The following HECTD2 variants were observed in gnomAD, a reference collection of about 807,000 sequenced individuals.
The protein encoded by HECTD2 is probable E3 ubiquitin-protein ligase HECTD2.
HECTD2 carries 35 observed loss-of-function variants against 103.2 expected under a neutral mutation model. The observed-to-expected ratio is 0.34, with a 90% CI of 0.26 to 0.45. The LOEUF (loss-of-function observed/expected upper bound fraction) is 0.45, where lower values mean the gene tolerates loss of function less well. HECTD2 is among the 20% of genes least tolerant of loss of function. HECTD2 has a pLI of 1.00. For synonymous variants in HECTD2, 281 were observed against 329.9 expected (o/e 0.85, Z 1.61); for missense variants, 596 against 937.4 (o/e 0.64, Z 4.76).
chr10:91,512,315 G>A lies in HECTD2; in HGVS notation c.2262G>A (p.Lys754=). ...ATCAACTTTGCCTTCCCCCCTACAA[G>A]AGCAAAAAGGATCTGAAACAGAAAT... is the stretch of plus-strand genomic sequence containing the variant. ...CFNQLCLPPY[K]SKKDLKQKLI... Residue 754 remains lysine, a synonymous_variant, in exon 21 of 21, where the codon AAG becomes AAA. Transcript: ENST00000298068. 6.2e-7 allele frequency: 1 copy of A among 1,613,262 alleles called. No individual in the cohort carries two copies. The highest frequency in any genetic ancestry group is 8.5e-7 in the Non-Finnish European group (1 of 1,179,640).
chr10:91,499,325 A>AG (rs1024322695), intron 18 of HECTD2, among the ~76,000 whole-genome samples, 175 bp downstream of exon 18: 1 of 152,154 alleles, frequency 6.6e-6, no homozygotes, highest in Non-Finnish European at 1.5e-5. Context: ...AATTCTTTAG[A>AG]GGGGAAAAAC....
chr10:91,471,922 A>T (rs1447304842), intron 5 of HECTD2, among the ~76,000 whole-genome samples: 1 of 152,232 alleles, frequency 6.6e-6, no homozygotes, highest in East Asian at 1.9e-4. Context: ...TTGCAATCAA[A>T]CTACCAATGG....
At position 91,500,616 on chromosome 10, in the gene HECTD2, A is replaced by C. The variant is rs368248100; in HGVS notation, c.2065A>C (p.Lys689Gln). ...DGYAKTDLTI[K>Q]YFWDVVLGFP... ...CTATGCAAAAACGGACTTAACTATA[A>C]AGTGAGCTCTTTATACTTCTGATAG... The change falls in exon 19 of 21, where the codon AAA (lysine) becomes CAA (glutamine). Residue 689 changes from lysine (K) to glutamine (Q), a missense_variant and splice_region_variant. By Grantham distance (53) the Lys-to-Gln change is moderately conservative. Coordinates refer to ENST00000298068, the MANE Select transcript of HECTD2 (RefSeq NM_182765.6). The C allele has an allele frequency of 7.6e-6, 11 of 1,447,732 alleles. No individual in the cohort carries two copies. Among genetic ancestry groups the C allele is most frequent in the Non-Finnish European group, 8.7e-6 (9 of 1,028,902 alleles). The allele number at this position is 1,447,732 out of a possible 1,614,324, so 89.7% of individuals were successfully genotyped here. A position where few individuals can be genotyped will look rare whatever the true frequency, so the allele number is the denominator to read the frequency against.
intron 16 of HECTD2, 91 bp downstream of exon 16, chr10:91,498,273 T>A (rs1030774677): frequency 2.2e-5 from 19 of 874,944 alleles, no homozygotes; most frequent in African/African-American, 3.3e-5. Flanking sequence ...TTAGAAAAGA[T>A]GAACAAGGAT....
At chr10:91,478,025 T>G (rs1046248825) in intron 5 of HECTD2, among the ~76,000 whole-genome samples, 176 bp from the exon 6 acceptor site, 1 of 152,198 alleles carries the variant, frequency 6.6e-6, no homozygotes, top group Non-Finnish European at 1.5e-5. Flanking sequence ...ACTGTAATCT[T>G]ATGTCATTGA....
At chr10:91,409,693 CAA>C (rs977956044), upstream of HECTD2, among the ~76,000 whole-genome samples, 12 of 152,170 alleles carry the variant, frequency 7.9e-5, no homozygotes, top group Admixed American at 2.6e-4. Context: ...CAGGCGTGTA[CAA>C]AAGAGTCGGT....
Position 91,498,098 on chromosome 10 carries a change from C to T in HECTD2, c.1681-10C>T. ...TATTGAAAAAATCATTAACAGATTT[C>T]TTTTTATAGGAGTTGGCCCATGGAT... On this transcript the variant is annotated splice_polypyrimidine_tract_variant and intron_variant, in intron 15 of 20. Coordinates refer to ENST00000298068, the MANE Select transcript of HECTD2 (RefSeq NM_182765.6). The T allele has an allele frequency of 6.3e-7, 1 of 1,594,228 alleles. No homozygotes were observed. The highest frequency in any genetic ancestry group is 8.6e-7 in the Non-Finnish European group (1 of 1,162,288).
intron 20 of HECTD2, among the ~76,000 whole-genome samples, chr10:91,509,408 T>C (rs1384163018): frequency 6.6e-6 from 1 of 152,160 alleles, no homozygotes; most frequent in Non-Finnish European, 1.5e-5. Flanking sequence ...TATGGAGGTT[T>C]CTTAAAGAAC....
intron 5 of HECTD2, among the ~76,000 whole-genome samples, chr10:91,477,877 G>A (rs1845964958): frequency 6.6e-6 from 1 of 152,066 alleles, no homozygotes; most frequent in Non-Finnish European, 1.5e-5. Flanking sequence ...GTTACGCTTG[G>A]ATTCTTGTTC....
chr10:91,449,071 C>CA (rs1462059212), intron 2 of HECTD2, among the ~76,000 whole-genome samples: 10 of 149,074 alleles, frequency 6.7e-5, no homozygotes, highest in African/African-American at 2.5e-4. Flanking sequence ...GGAGACACAA[C>CA]AAAAAAAGAA....
chr10:91,413,678 A>G (rs1413432374), intron 1 of HECTD2, among the ~76,000 whole-genome samples: 1 of 152,196 alleles, frequency 6.6e-6, no homozygotes, highest in Non-Finnish European at 1.5e-5. Flanking sequence ...ACCATCTCCC[A>G]AATCTACTTA....
Position 91,487,454 on chromosome 10 carries a change from G to T in HECTD2, c.1095-228G>T. The stretch of plus-strand genomic sequence containing the variant: ...TGGTTAGCACACATTCAGAACCTTT[G>T]ATGTAGCTTCTGCAGAGAATAAAGG... On this transcript the variant is annotated intron_variant, in intron 10 of 20. Coordinates refer to ENST00000298068, the MANE Select transcript of HECTD2 (RefSeq NM_182765.6). This position sits in a 1 kb window ranked among gnomAD's most constrained non-coding sequence, Gnocchi z 4.1. 1 of 520,700 alleles carries T rather than the reference G, an allele frequency of 1.9e-6. No individual in the cohort carries two copies. The highest frequency in any genetic ancestry group is 3.5e-6 in the Non-Finnish European group (1 of 285,070). 32.3% of individuals were successfully genotyped at this position (520,700 alleles called of 1,614,324 possible). A position where few individuals can be genotyped will look rare whatever the true frequency, so the allele number is the denominator to read the frequency against.
intron 16 of HECTD2, 78 bp from the exon 17 acceptor site, chr10:91,498,794 T>A (rs1846780818): frequency 1.2e-6 from 1 of 866,032 alleles, no homozygotes; most frequent in South Asian, 1.8e-5. Context: ...AAACTGTTTT[T>A]TAAATTTTAC....
Position 91,484,558 on chromosome 10 carries a change from T to G in HECTD2, c.873T>G (p.Ile291Met). 6.2e-7 allele frequency: 1 copy of G among 1,612,336 alleles called. No individual in the cohort carries two copies. The highest frequency in any genetic ancestry group is 8.5e-7 in the Non-Finnish European group (1 of 1,178,886). The change falls in exon 9 of 21, where the codon ATT becomes ATG. Residue 291 changes from isoleucine (I) to methionine (M), a missense_variant. Physicochemically the swap from Ile to Met is conservative, Grantham distance 10. Around this residue, in one of 4 missense-constraint regions of HECTD2, gnomAD observed 303 missense variants for 522.5 expected, o/e 0.58. Coordinates refer to ENST00000298068, the MANE Select transcript of HECTD2 (RefSeq NM_182765.6). Reference sequence around the variant, plus strand: ...TGGTAGAGAGATTGCTGCAATTTATTTCTTTACGCCTGTTTCCTGCAAAGC... The same window carrying G: ...TGGTAGAGAGATTGCTGCAATTTATGTCTTTACGCCTGTTTCCTGCAAAGC... Reference protein sequence around the residue: ...KQLVERLLQFISLRLFPAKPE... With the variant: ...KQLVERLLQFMSLRLFPAKPE...
intron 2 of HECTD2, among the ~76,000 whole-genome samples, chr10:91,455,223 C>T (rs1181074548): frequency 1.3e-5 from 2 of 152,162 alleles, no homozygotes; most frequent in African/African-American, 4.8e-5. Context: ...ACATCCTCTC[C>T]AGCACCTGTT....
At chr10:91,411,838 G>A (rs562870456) in intron 1 of HECTD2, among the ~76,000 whole-genome samples, 1 of 152,244 alleles carries the variant, frequency 6.6e-6, no homozygotes, top group Non-Finnish European at 1.5e-5. Context: ...TCCTGCTGCT[G>A]GTACCCTAGG....
chr10:91,487,609 C>T lies in HECTD2; in HGVS notation c.1095-73C>T, dbSNP rs1399751449. ...ATGTTTTATATTGCTACAAGGGGTA[C>T]CTTAGATTCCCTTAGTATAATTTTG... On this transcript the variant is annotated intron_variant, in intron 10 of 20. Transcript: ENST00000298068. The surrounding 1 kb of genome is among the most constrained non-coding windows in gnomAD (Gnocchi z 4.1). 6 of 885,956 alleles carry T rather than the reference C, an allele frequency of 6.8e-6. No individual in the cohort carries two copies. The highest frequency in any genetic ancestry group is 6.5e-5 in the South Asian group (5 of 76,374). The allele number at this position is 885,956 out of a possible 1,614,324, so 54.9% of individuals were successfully genotyped here. A position where few individuals can be genotyped will look rare whatever the true frequency, so the allele number is the denominator to read the frequency against.
chr10:91,431,713 C>G (rs964794595), intron 2 of HECTD2, among the ~76,000 whole-genome samples: 2 of 152,088 alleles, frequency 1.3e-5, no homozygotes, highest in African/African-American at 4.8e-5. Flanking sequence ...GTTCTCGAGC[C>G]TTGGCTTTCA....
At chr10:91,497,126 A>ATTT (rs56923120) in intron 15 of HECTD2, among the ~76,000 whole-genome samples, 4 of 97,370 alleles carry the variant, frequency 4.1e-5, no homozygotes, top group Non-Finnish European at 7.6e-5. Flanking sequence ...TGCCCGGCAA[A>ATTT]TTTTTTTTTT....
Sources: allele counts gnomAD v4.1 joint callset (sites outside exome capture counted in the v4.1 genomes callset), GRCh38; gene constraint gnomAD v4.1.1; regional missense constraint gnomAD v4.1.1; non-coding constraint Gnocchi (gnomAD v3.1); transcripts MANE v1.5; gene names NCBI Gene and HGNC (gene_info 2026-07-23, HGNC 2026-07-21).